Variants in KIF14 observed in about 807,000 individuals in gnomAD.
KIF14 encodes kinesin family member 14, also known as kinesin-like protein KIF14.
KIF14 carries 98 observed loss-of-function variants against 176.2 expected under a neutral mutation model. The ratio of observed to expected loss-of-function variants is 0.56; its 90% CI spans 0.47 to 0.66. The LOEUF (loss-of-function observed/expected upper bound fraction) is 0.66, where lower values mean the gene tolerates loss of function less well. KIF14 is among the 30% of genes least tolerant of loss of function. The pLI is 0.00. For synonymous variants in KIF14, 566 were observed against 632.2 expected (o/e 0.90, Z 1.57); for missense variants, 1,751 against 1,920.4 (o/e 0.91, Z 1.65).
chr1:200,606,850 A>C (rs759831314), intron 5 of KIF14, 52 bp from the exon 6 acceptor site: 1 of 1,343,958 alleles, frequency 7.4e-7, no homozygotes, highest in South Asian at 1.2e-5. Flanking sequence ...TATTTCATGT[A>C]ACTTGAAATG....
chr1:200,577,106 T>G (rs1658159162), intron 21 of KIF14, among the ~76,000 whole-genome samples: 1 of 150,440 alleles, frequency 6.6e-6, no homozygotes, highest in African/African-American at 2.5e-5. Context: ...GGTCAGGAGT[T>G]TGAGATCAGC....
At chr1:200,591,789 A>C (rs1051721403) in intron 16 of KIF14, among the ~76,000 whole-genome samples, 5 of 152,192 alleles carry the variant, frequency 3.3e-5, no homozygotes, top group African/African-American at 4.8e-5. Context: ...TTGTCAGAGA[A>C]CTGTGTCATA....
In KIF14 at chr1:200,553,092, C is replaced by T. The variant is rs7412927; in HGVS notation, c.*296G>A. 0.01 allele frequency: 1,772 copies of T among 171,936 alleles called. 31 individuals carry two copies. The highest frequency in any genetic ancestry group is 0.038 in the African/African-American group (1,610 of 42,140). The allele number at this position is 171,936 out of a possible 1,614,324, so 10.7% of individuals were successfully genotyped here. ...CCTAGTAGCTGGGATTACAGGCACG[C>T]GCCACCATGCCCAGCAAATTTTTGT... is the stretch of plus-strand genomic sequence containing the variant. On this transcript the variant is annotated 3_prime_UTR_variant, in exon 30 of 30. Coordinates refer to ENST00000367350, the MANE Select transcript of KIF14 (RefSeq NM_014875.3).
At position 200,553,322 on chromosome 1, in the gene KIF14, G is replaced by T; in HGVS notation, c.*66C>A. 1 of 1,483,808 alleles carries T rather than the reference G, an allele frequency of 6.7e-7. No homozygotes were observed. The allele number at this position is 1,483,808 out of a possible 1,614,324, so 91.9% of individuals were successfully genotyped here. ...TTTCTCTTAAACTCTCCTGCATAAA[G>T]AAAATTACCGAGCAAGTGTTCTTTT... On this transcript the variant is annotated 3_prime_UTR_variant, in exon 30 of 30. Transcript: ENST00000367350.
At chr1:200,573,446 T>C (rs1657930977) in intron 22 of KIF14, among the ~76,000 whole-genome samples, 1 of 139,230 alleles carries the variant, frequency 7.2e-6, no homozygotes, top group Admixed American at 7.1e-5. Context: ...TTTTTTTTTT[T>C]TTTTTGAGAC....
At chr1:200,574,937 A>AT (rs35584654) in intron 22 of KIF14, among the ~76,000 whole-genome samples, 15,930 of 110,614 alleles carry the variant, frequency 0.14, 1,600 homozygotes, top group African/African-American at 0.17. Flanking sequence ...AGAAAGGGTA[A>AT]TTTTTTTTTT....
chr1:200,580,357 G>T lies in KIF14; in HGVS notation c.3362C>A (p.Ser1121Tyr). ...GRHDISDKSS[S>Y]DTSIRVRNLK... is the part of the protein sequence containing the mutation. ...GTTACGAACCCGAATAGAAGTGTCA[G>T]AACTACTTTTATCTGATATATCATG... Residue 1121 changes from serine to tyrosine, a missense_variant, in exon 21 of 30, where the codon TCT (serine) becomes TAT (tyrosine). Coordinates refer to ENST00000367350, the MANE Select transcript of KIF14 (RefSeq NM_014875.3). 1 of 1,515,114 alleles carries T rather than the reference G, an allele frequency of 6.6e-7. No individual in the cohort carries two copies. The highest frequency in any genetic ancestry group is 1.4e-5 in the South Asian group (1 of 73,466). The allele number at this position is 1,515,114 out of a possible 1,614,324, so 93.9% of individuals were successfully genotyped here. A position where few individuals can be genotyped will look rare whatever the true frequency, so the allele number is the denominator to read the frequency against.
chr1:200,611,765 G>T (rs1047182260), intron 4 of KIF14, among the ~76,000 whole-genome samples: 3 of 152,078 alleles, frequency 2.0e-5, no homozygotes, highest in Non-Finnish European at 2.9e-5. Flanking sequence ...TTCCAAAGTT[G>T]ATATAACCAC....
intron 25 of KIF14, among the ~76,000 whole-genome samples, chr1:200,561,696 G>A (rs1657168935): frequency 6.6e-6 from 1 of 152,094 alleles, no homozygotes; most frequent in Non-Finnish European, 1.5e-5. Context: ...GTGATAAAAT[G>A]AGTAAGATAT....
chr1:200,555,373 C>G lies in KIF14; in HGVS notation c.4428+7G>C. ...CAAAATTAAAATCAATTTAAAGCTT[C>G]TCTTACAATTTTCGATTCAGCAAAG... On this transcript the variant is annotated splice_region_variant and intron_variant, in intron 28 of 29. Coordinates refer to ENST00000367350, the MANE Select transcript of KIF14 (RefSeq NM_014875.3). 1 of 1,517,264 alleles carries G rather than the reference C, an allele frequency of 6.6e-7. No homozygotes were observed. The highest frequency in any genetic ancestry group is 1.2e-5 in the South Asian group (1 of 82,686). The allele number at this position is 1,517,264 out of a possible 1,614,324, so 94.0% of individuals were successfully genotyped here. A position where few individuals can be genotyped will look rare whatever the true frequency, so the allele number is the denominator to read the frequency against.
intron 19 of KIF14, among the ~76,000 whole-genome samples, chr1:200,583,806 G>A (rs910189430): frequency 6.6e-5 from 10 of 151,430 alleles, no homozygotes; most frequent in African/African-American, 2.4e-4. Flanking sequence ...GCTGGGCATG[G>A]TGGTGCATGC....
At chr1:200,620,227 T>C (rs1402546519) in intron 1 of KIF14, among the ~76,000 whole-genome samples, 184 bp downstream of exon 1, 1 of 152,258 alleles carries the variant, frequency 6.6e-6, no homozygotes. Flanking sequence ...GGAAATTCTC[T>C]TGCAACTAAA....
At chr1:200,619,406 G>A (rs926292629) in intron 1 of KIF14, among the ~76,000 whole-genome samples, 1 of 151,872 alleles carries the variant, frequency 6.6e-6, no homozygotes, top group Non-Finnish European at 1.5e-5. Flanking sequence ...AGGCTGGAGT[G>A]CAGTGGCACG....
intron 25 of KIF14, among the ~76,000 whole-genome samples, chr1:200,563,081 C>T (rs1249332617): frequency 1.3e-5 from 2 of 152,156 alleles, no homozygotes; most frequent in Admixed American, 1.3e-4. Context: ...CCTAGAAAAT[C>T]CTCCTGAGGG....
Position 200,553,544 on chromosome 1 carries a change from A to T in KIF14, c.4791T>A (p.Tyr1597Ter), listed in dbSNP as rs776103997. 1 of 1,614,070 alleles carries T rather than the reference A, an allele frequency of 6.2e-7. No individual in the cohort carries two copies. Among genetic ancestry groups the T allele is most frequent in the East Asian group, 2.2e-5 (1 of 44,874 alleles). ...GGTGTTCTTCTTTGGTATTTTGATT[A>T]TAAGTTTCCCAGGGTTTCAACAAAT... Reference protein sequence around the residue: ...SPDLLKPWETYNQNTKEEHQQ... With the variant: ...SPDLLKPWET Residue 1597 changes from tyrosine (Y) to a stop codon, truncating the protein, a stop_gained, in exon 30 of 30, where the codon TAT (tyrosine) becomes TAA (stop). Transcript: ENST00000367350. LOFTEE classifies it low-confidence loss of function (END_TRUNC).
At chr1:200,579,647 T>TA (rs1658337128) in intron 21 of KIF14, among the ~76,000 whole-genome samples, 1 of 151,938 alleles carries the variant, frequency 6.6e-6, no homozygotes, top group Non-Finnish European at 1.5e-5. Flanking sequence ...AAATGCAAAC[T>TA]GGTAACATTG....
chr1:200,618,827 G>A lies in KIF14; in HGVS notation c.-104C>T, dbSNP rs1189339754. 3.3e-6 allele frequency: 3 copies of A among 918,230 alleles called. No homozygotes were observed. Among genetic ancestry groups the A allele is most frequent in the African/African-American group, 3.3e-5 (2 of 59,986 alleles). 56.9% of individuals were successfully genotyped at this position (918,230 alleles called of 1,614,324 possible). On this transcript the variant is annotated 5_prime_UTR_variant, in exon 2 of 30. Coordinates refer to ENST00000367350, the MANE Select transcript of KIF14 (RefSeq NM_014875.3). ...ATTTCTTATGTATCCATTTCTGAAA[G>A]TATCTGCTAAACTAAAAGAAAAAAA...
chr1:200,565,731 A>C (rs1657413232), intron 23 of KIF14, 62 bp from the exon 24 acceptor site: 1 of 1,077,958 alleles, frequency 9.3e-7, no homozygotes, highest in African/African-American at 1.6e-5. Flanking sequence ...TCTTTTTTAA[A>C]AAAAGGGATC....
chr1:200,575,097 C>G (rs970395596), intron 22 of KIF14, among the ~76,000 whole-genome samples: 4 of 151,766 alleles, frequency 2.6e-5, no homozygotes, highest in African/African-American at 9.7e-5. Context: ...GCTGGGAGTA[C>G]AAGTGCCTGC....
Sources: allele counts gnomAD v4.1 joint callset (sites outside exome capture counted in the v4.1 genomes callset), GRCh38; gene constraint gnomAD v4.1.1; transcripts MANE v1.5; gene names NCBI Gene and HGNC (gene_info 2026-07-23, HGNC 2026-07-21).